NRG1: variants seen among roughly 807,000 people sequenced by gnomAD.
NRG1 encodes pro-neuregulin-1, membrane-bound isoform.
In NRG1, 18 loss-of-function variants were observed where a neutral mutation model predicts 63.8. The ratio of observed to expected loss-of-function variants is 0.28; its 90% CI spans 0.19 to 0.42. NRG1 has a LOEUF of 0.42. Among genes scored for constraint, NRG1 ranks in the 10% least tolerant of loss-of-function variants. The probability of loss-of-function intolerance (pLI) is 1.00; values close to 1 mark genes in which losing one functional copy is unlikely to be tolerated. For missense variants in NRG1, 762 were observed against 814.7 expected, an observed-to-expected ratio of 0.94 and a Z score of 0.79; for synonymous variants, 302 against 301.3, an observed-to-expected ratio of 1.00 and a Z score of -0.02.
At chr8:31,642,997 TGTGA>T (rs1434827700) in intron 1 of NRG1, among the ~76,000 whole-genome samples, 1 of 151,826 alleles carries the variant, frequency 6.6e-6, no homozygotes, top group African/African-American at 2.4e-5. Context: ...TGTGTGTGTG[TGTGA>T]GAGAGAGAAT....
intron 1 of NRG1, among the ~76,000 whole-genome samples, chr8:32,227,386 G>A (rs10503900): frequency 0.12 from 17,963 of 152,066 alleles, 1,426 homozygotes; most frequent in African/African-American, 0.21. Flanking sequence ...ATGCTAAGTA[G>A]TACAGTATAA....
intron 6 of NRG1, among the ~76,000 whole-genome samples, chr8:32,738,002 C>T (rs896421055): frequency 6.6e-6 from 1 of 152,060 alleles, no homozygotes; most frequent in Non-Finnish European, 1.5e-5. Flanking sequence ...AATTGTGGAT[C>T]AGATACGGAC....
intron 1 of NRG1, among the ~76,000 whole-genome samples, chr8:32,277,886 A>C (rs974072713): frequency 6.6e-6 from 1 of 152,188 alleles, no homozygotes; most frequent in Non-Finnish European, 1.5e-5. Context: ...AAAGATCCCC[A>C]CAGCCATGCT....
chr8:32,728,961 G>A lies in NRG1; in HGVS notation c.632+883G>A, dbSNP rs181084091. ...CACACGCCTGTAGTCCCAGCTACTC[G>A]GGAGGCTGAGGCAGGAGAATGGCGT... is the stretch of plus-strand genomic sequence containing the variant. On this transcript the variant is annotated intron_variant, in intron 6 of 11. Transcript: ENST00000356819. 3.5e-3 allele frequency among the ~76,000 whole-genome samples: 527 copies of A among 152,198 alleles called. 4 individuals carry two copies. The Middle Eastern group carries it at 0.041, about 12-fold the overall frequency.
At chr8:32,255,873 G>A (rs548975228) in intron 1 of NRG1, among the ~76,000 whole-genome samples, 7 of 152,046 alleles carry the variant, frequency 4.6e-5, no homozygotes, top group Admixed American at 1.3e-4. Context: ...GTCTTTTCAC[G>A]TAGTCCCATA....
chr8:32,086,195 GC>G (rs1177992069), intron 1 of NRG1, among the ~76,000 whole-genome samples: 1 of 152,078 alleles, frequency 6.6e-6, no homozygotes, highest in East Asian at 1.9e-4. Context: ...ATGTTAACTA[GC>G]TTAATATTTT....
chr8:32,285,774 G>A (rs1360079573), intron 1 of NRG1, among the ~76,000 whole-genome samples: 1 of 152,082 alleles, frequency 6.6e-6, no homozygotes, highest in Non-Finnish European at 1.5e-5. Flanking sequence ...TTTTTATGGC[G>A]AACAGAAAGC....
At chr8:31,832,679 A>G (rs1825284534) in intron 1 of NRG1, among the ~76,000 whole-genome samples, 1 of 152,084 alleles carries the variant, frequency 6.6e-6, no homozygotes. Flanking sequence ...AATTTCAACA[A>G]TTTTATCCTG....
At chr8:31,758,104 G>A (rs1817160808) in intron 1 of NRG1, among the ~76,000 whole-genome samples, 1 of 152,012 alleles carries the variant, frequency 6.6e-6, no homozygotes, top group East Asian at 1.9e-4. Flanking sequence ...TACATGTGCA[G>A]AACGTGCAGG....
At chr8:32,121,877 G>T (rs1833500022) in intron 1 of NRG1, among the ~76,000 whole-genome samples, 1 of 151,982 alleles carries the variant, frequency 6.6e-6, no homozygotes, top group Admixed American at 6.6e-5. Context: ...TATAGACAGA[G>T]AAAAGGGAAC....
At chr8:32,411,520 A>G (rs1451565508) in intron 1 of NRG1, among the ~76,000 whole-genome samples, 1 of 152,214 alleles carries the variant, frequency 6.6e-6, no homozygotes, top group Non-Finnish European at 1.5e-5. Flanking sequence ...AAGCTCTAAA[A>G]TAAAGGAAAG....
chr8:31,716,729 C>G (rs929541098), intron 1 of NRG1, among the ~76,000 whole-genome samples: 2 of 152,114 alleles, frequency 1.3e-5, no homozygotes, highest in Non-Finnish European at 2.9e-5. Context: ...AGACTACTGT[C>G]TAAATACGGT....
intron 1 of NRG1, among the ~76,000 whole-genome samples, chr8:32,098,968 G>A (rs1563784657): frequency 6.6e-6 from 1 of 152,160 alleles, no homozygotes; most frequent in Non-Finnish European, 1.5e-5. Flanking sequence ...ATATACAATT[G>A]TTGTCACTGG....
chr8:32,203,586 T>C (rs1296681280), intron 1 of NRG1, among the ~76,000 whole-genome samples: 1 of 152,094 alleles, frequency 6.6e-6, no homozygotes, highest in Non-Finnish European at 1.5e-5. Context: ...GGTCTCGAAC[T>C]CCTGACCTCA....
intron 1 of NRG1, among the ~76,000 whole-genome samples, chr8:32,569,830 GT>G (rs1214255819): frequency 6.6e-6 from 1 of 150,454 alleles, no homozygotes; most frequent in South Asian, 2.1e-4. Flanking sequence ...TTTCCCATCC[GT>G]TTTCATCTCT....
rs180926924 is a variant in NRG1 at position 32,307,422 on chromosome 8, G to A, written c.38-288406G>A. 4.2e-5 allele frequency among the ~76,000 whole-genome samples: 6 copies of A among 142,798 alleles called. No individual in the cohort carries two copies. In the East Asian group the frequency reaches 1.1e-3, roughly 25 times the overall value. 93.7% of individuals were successfully genotyped at this position (142,798 alleles called of 152,430 possible). A position where few individuals can be genotyped will look rare whatever the true frequency, so the allele number is the denominator to read the frequency against. On this transcript the variant is annotated intron_variant, in intron 1 of 10. Coordinates refer to the NRG1 transcript ENST00000519301. The stretch of plus-strand genomic sequence containing the variant: ...AGCAGCCACACCTCTCCCAAATACC[G>A]AATAGTCATCCTTCTTTTGTGGTTC...
intron 1 of NRG1, among the ~76,000 whole-genome samples, chr8:31,654,125 G>C (rs917862272): frequency 2.0e-5 from 3 of 152,028 alleles, no homozygotes; most frequent in African/African-American, 7.2e-5. Flanking sequence ...CCAGTAACTT[G>C]CAAAATAACT....
chr8:31,864,302 A>G (rs1413746933), intron 1 of NRG1, among the ~76,000 whole-genome samples: 36 of 152,170 alleles, frequency 2.4e-4, no homozygotes, highest in Admixed American at 2.4e-3. Context: ...CATAGAGCTT[A>G]CCTCTTAGTG....
Position 31,919,287 on chromosome 8 carries a change from G to C in NRG1, c.37+279856G>C, listed in dbSNP as rs1479936971. Among the ~76,000 whole-genome samples the C allele has an allele frequency of 2.0e-5, 3 of 151,592 alleles. No individual in the cohort carries two copies. The East Asian group carries it at 5.8e-4, about 29-fold the overall frequency. On this transcript the variant is annotated intron_variant, in intron 1 of 10. Transcript: ENST00000519301. The stretch of plus-strand genomic sequence containing the variant: ...CATCTAAATATTTGTTATATTTTTT[G>C]ATGAAGGGCAAAACATTTTGGTTAC...
Sources: allele counts gnomAD v4.1 joint callset (sites outside exome capture counted in the v4.1 genomes callset), GRCh38; gene constraint gnomAD v4.1.1; transcripts MANE v1.5; gene names NCBI Gene and HGNC (gene_info 2026-07-23, HGNC 2026-07-21).